The following CEMIP2 variants were observed in gnomAD, a reference collection of about 807,000 sequenced individuals.
The protein encoded by CEMIP2 is cell migration inducing hyaluronidase 2.
In CEMIP2, 79 loss-of-function variants were observed where a neutral mutation model predicts 146.9. The ratio of observed to expected loss-of-function variants is 0.54; its 90% confidence interval spans 0.45 to 0.65. The LOEUF (loss-of-function observed/expected upper bound fraction) is 0.65. Ranked by LOEUF, CEMIP2 falls within the 30% of genes least tolerant of loss-of-function variation. The pLI, the probability that CEMIP2 is intolerant of heterozygous loss-of-function variation, is 0.00. For synonymous variants in CEMIP2, 601 were observed against 606.3 expected (o/e 0.99, Z 0.13); for missense variants, 1,596 against 1,696.2 (o/e 0.94, Z 1.04).
chr9:71,729,041 T>C (rs1425519179), intron 10 of CEMIP2, among the ~76,000 whole-genome samples: 1 of 151,648 alleles, frequency 6.6e-6, no homozygotes. Context: ...GGTTTCGCCA[T>C]GTTGCCCAGG....
At chr9:71,721,205 T>C (rs1001201580) in intron 12 of CEMIP2, among the ~76,000 whole-genome samples, 9 of 152,142 alleles carry the variant, frequency 5.9e-5, no homozygotes, top group Non-Finnish European at 1.0e-4. Flanking sequence ...TAATAAATTA[T>C]ATTAGTTCTA....
chr9:71,692,831 G>A (rs554740652), intron 21 of CEMIP2, among the ~76,000 whole-genome samples: 1 of 152,248 alleles, frequency 6.6e-6, no homozygotes, highest in East Asian at 1.9e-4. Context: ...TAGCCTGGGA[G>A]GTGGAGGGTG....
chr9:71,724,272 C>T (rs1320193345), intron 11 of CEMIP2, among the ~76,000 whole-genome samples: 9 of 150,830 alleles, frequency 6.0e-5, no homozygotes, highest in Admixed American at 1.3e-4. Flanking sequence ...CTAGCCTGGG[C>T]GACAGAGCAA....
At chr9:71,714,210 T>G (rs1034026223) in intron 15 of CEMIP2, among the ~76,000 whole-genome samples, 1 of 152,246 alleles carries the variant, frequency 6.6e-6, no homozygotes, top group Non-Finnish European at 1.5e-5. Context: ...TGGGCTCAGA[T>G]GTGAGGCCTA....
chr9:71,698,409 T>C (rs1414218412), intron 19 of CEMIP2, among the ~76,000 whole-genome samples: 1 of 152,242 alleles, frequency 6.6e-6, no homozygotes, highest in African/African-American at 2.4e-5. Context: ...TTAGGAAATA[T>C]GTCATACCCT....
rs879718546 is a variant in CEMIP2, at chr9:71,732,075, G to T, written c.1563+276C>A. On this transcript the variant is annotated intron_variant, in intron 7 of 23. Transcript: ENST00000377044. ...AGAGCCTTCAGTTTTTTTTTGTTTT[G>T]TTTTGTTTTTTGGTCTCTGTAATTG... Among the ~76,000 whole-genome samples the T allele has an allele frequency of 2.4e-3, 365 of 150,284 alleles. 2 individuals are homozygous for T. The highest frequency in any genetic ancestry group is 3.8e-3 in the Admixed American group (57 of 15,158).
Position 71,685,331 on chromosome 9 carries a change from T to C in CEMIP2, c.4018A>G (p.Ser1340Gly), listed in dbSNP as rs372307342. The change falls in exon 24 of 24, where the codon AGT (serine) becomes GGT (glycine). Residue 1340 changes from serine to glycine, a missense_variant. Ser to Gly is a moderately conservative substitution (Grantham distance 56). Transcript: ENST00000377044. ...FKPSWTKLFT[S>G]PAGQGLGVLE... ...ACCCCAAGGCCCTGTCCAGCAGGAC[T>C]GGTAAATAGCTTAGTCCATGATGGT... The C allele has an allele frequency of 1.2e-6, 2 of 1,603,734 alleles. No individual in the cohort carries two copies. The highest frequency in any genetic ancestry group is 2.2e-5 in the East Asian group (1 of 44,590).
At chr9:71,712,776 CAGGG>C (rs1279240818) in intron 15 of CEMIP2, among the ~76,000 whole-genome samples, 1 of 152,224 alleles carries the variant, frequency 6.6e-6, no homozygotes, top group Non-Finnish European at 1.5e-5. Context: ...ACCATGTCAA[CAGGG>C]TTAGCTAGAC....
intron 15 of CEMIP2, chr9:71,712,482 G>A: frequency 2.0e-6 from 1 of 492,912 alleles, no homozygotes; most frequent in Non-Finnish European, 3.6e-6. Context: ...GTGCTATAGA[G>A]ACCATAAGAC....
chr9:71,762,565 T>C (rs1824669788), intron 1 of CEMIP2, among the ~76,000 whole-genome samples: 1 of 143,766 alleles, frequency 7.0e-6, no homozygotes, highest in Admixed American at 7.0e-5. Context: ...AGGGGCTACG[T>C]GACAAGCCCA....
At chr9:71,741,662 G>A (rs1823923483) in intron 4 of CEMIP2, among the ~76,000 whole-genome samples, 2 of 94,362 alleles carry the variant, frequency 2.1e-5, no homozygotes, top group Non-Finnish European at 3.9e-5. Context: ...TTTTGAGACA[G>A]AGTCTCACTC....
At chr9:71,711,410 AT>A (rs200572713) in intron 16 of CEMIP2, among the ~76,000 whole-genome samples, 2 of 144,176 alleles carry the variant, frequency 1.4e-5, no homozygotes, top group African/African-American at 5.7e-5. Flanking sequence ...AAAAAAAAAA[AT>A]TTTTTTTAAG....
chr9:71,702,396 C>A (rs976876861), intron 18 of CEMIP2, among the ~76,000 whole-genome samples: 2 of 143,046 alleles, frequency 1.4e-5, no homozygotes, highest in East Asian at 2.0e-4. Flanking sequence ...TAGCAAAATG[C>A]GGGGGGGCGG....
rs33987875 is a variant in CEMIP2 at position 71,728,815 on chromosome 9, T to TTGTGTGTGTG, written c.2049+1020_2049+1029dup. On this transcript the variant is annotated intron_variant, in intron 10 of 23. Transcript: ENST00000377044. ...AGCTAAGGTCTTTTTTGTGGGGTTTTTGTGTGTGTGTGTGTGTGTGTGTGT... is the reference window on the plus strand; with the variant it reads ...AGCTAAGGTCTTTTTTGTGGGGTTTTTGTGTGTGTGTGTGTGTGTGTGTGTGTGTGTGTGT... Among the ~76,000 whole-genome samples, 359 of 148,302 alleles carry TTGTGTGTGTG rather than the reference T, an allele frequency of 2.4e-3. 1 individual carries two copies. The highest frequency in any genetic ancestry group is 8.2e-3 in the African/African-American group (332 of 40,312).
chr9:71,694,952 A>T (rs1370861060), intron 20 of CEMIP2, among the ~76,000 whole-genome samples: 1 of 152,192 alleles, frequency 6.6e-6, no homozygotes, highest in Non-Finnish European at 1.5e-5. Context: ...TTTTCAGACC[A>T]TGGTCCCTCA....
At chr9:71,724,299 A>C (rs1823322598) in intron 11 of CEMIP2, among the ~76,000 whole-genome samples, 1 of 151,272 alleles carries the variant, frequency 6.6e-6, no homozygotes, top group Non-Finnish European at 1.5e-5. Flanking sequence ...GTCTCAAAAA[A>C]AGAAAAAAAA....
At chr9:71,708,607 C>T (rs533115306) in intron 17 of CEMIP2, among the ~76,000 whole-genome samples, 7 of 152,268 alleles carry the variant, frequency 4.6e-5, no homozygotes, top group Non-Finnish European at 1.0e-4. Flanking sequence ...ATATATACTA[C>T]GTTGCAAATT....
At chr9:71,747,771 G>C (rs937319456) in intron 2 of CEMIP2, among the ~76,000 whole-genome samples, 6 of 152,048 alleles carry the variant, frequency 3.9e-5, no homozygotes, top group Admixed American at 2.0e-4. Context: ...ACATCTTCCT[G>C]TTTCTGAGCT....
intron 11 of CEMIP2, among the ~76,000 whole-genome samples, chr9:71,723,518 G>A (rs1451114067): frequency 6.6e-6 from 1 of 152,164 alleles, no homozygotes; most frequent in Admixed American, 6.5e-5. Context: ...ATAAAATTCT[G>A]TGGGTGAGGG....
Sources: gnomAD v4.1 joint callset for allele counts (sites outside exome capture counted in the v4.1 genomes callset) on GRCh38, gnomAD v4.1.1 for gene constraint, MANE v1.5 for transcripts, NCBI Gene and HGNC (gene_info 2026-07-23, HGNC 2026-07-21) for gene names.